The following FAM177B variants were observed in gnomAD, a reference collection of about 807,000 sequenced individuals.
The protein encoded by FAM177B is protein FAM177B.
FAM177B carries 16 observed loss-of-function variants against 16.1 expected under a neutral mutation model. The observed-to-expected ratio is 0.99, with a 90% confidence interval of 0.67 to 1.51. The LOEUF (loss-of-function observed/expected upper bound fraction) is 1.51, where lower values mean the gene tolerates loss of function less well. Among genes scored for constraint, FAM177B ranks in the 40% most tolerant of loss-of-function variants. The pLI, the probability that FAM177B is intolerant of heterozygous loss-of-function variation, is 0.00. For synonymous variants in FAM177B, 56 were observed against 59.9 expected, an observed-to-expected ratio of 0.93 and a Z score of 0.30; for missense variants, 178 against 183.7, an observed-to-expected ratio of 0.97 and a Z score of 0.18.
At chr1:222,742,024 T>C in intron 2 of FAM177B, among the ~76,000 whole-genome samples, 1 of 150,730 alleles carries the variant, frequency 6.6e-6, no homozygotes, top group Non-Finnish European at 1.5e-5. Context: ...CAGGCTGGTT[T>C]AAAACTCATG....
chr1:222,750,493 C>T lies in FAM177B; in HGVS notation c.*435C>T. ...CGCAAAGTCTAAATAAATCCCCTTT[C>T]AGGATTTGATATAGTGTGTACTTCC... On this transcript the variant is annotated 3_prime_UTR_variant, in exon 6 of 6. Coordinates refer to ENST00000445590, the MANE Select transcript of FAM177B (RefSeq NM_001394345.1). 1.0e-6 allele frequency: 1 copy of T among 991,696 alleles called. No individual in the cohort carries two copies. The highest frequency in any genetic ancestry group is 1.2e-6 in the Non-Finnish European group (1 of 834,428). 61.4% of individuals were successfully genotyped at this position (991,696 alleles called of 1,614,324 possible).
intron 2 of FAM177B, among the ~76,000 whole-genome samples, chr1:222,746,282 C>T (rs948430384): frequency 2.6e-5 from 4 of 152,150 alleles, no homozygotes; most frequent in African/African-American, 4.8e-5. Flanking sequence ...TGTGTTTTAA[C>T]GTTAACAAAA....
intron 2 of FAM177B, among the ~76,000 whole-genome samples, chr1:222,744,086 A>G (rs1658676886): frequency 6.6e-6 from 1 of 152,250 alleles, no homozygotes; most frequent in South Asian, 2.1e-4. Context: ...AATTTCATCC[A>G]GCATTTCTGT....
In FAM177B at chr1:222,749,986, G is replaced by A; in HGVS notation, c.405G>A (p.Lys135=). 6.2e-7 allele frequency: 1 copy of A among 1,614,054 alleles called. No homozygotes were observed. The highest frequency in any genetic ancestry group is 8.5e-7 in the Non-Finnish European group (1 of 1,179,940). The change falls in exon 6 of 6, where the codon AAG becomes AAA. Residue 135 remains lysine (K), a synonymous_variant. Coordinates refer to ENST00000445590, the MANE Select transcript of FAM177B (RefSeq NM_001394345.1). ...AGGCAGCTGAGGTTCCTAATGAAAA[G>A]TGTCACTTGGAGGCTGGGGTCCAAG... ...KAQAAEVPNE[K]CHLEAGVQEY... is the part of the protein sequence containing the mutation.
chr1:222,745,725 C>G (rs1395347424), intron 2 of FAM177B, among the ~76,000 whole-genome samples: 4 of 152,170 alleles, frequency 2.6e-5, no homozygotes, highest in Non-Finnish European at 5.9e-5. Context: ...AGTTTGAGAC[C>G]AGCCTGACCA....
intron 3 of FAM177B, 119 bp from the exon 4 acceptor site, chr1:222,746,896 T>A: frequency 1.1e-6 from 1 of 927,496 alleles, no homozygotes; most frequent in East Asian, 2.5e-5. Context: ...GGTCTCTTCA[T>A]CTGTGAGAGA....
chr1:222,746,889 C>T (rs1351622730), intron 3 of FAM177B, 126 bp from the exon 4 acceptor site: 5 of 906,238 alleles, frequency 5.5e-6, no homozygotes, highest in African/African-American at 3.4e-5. Context: ...TCATCTTGGT[C>T]TCTTCATCTG....
rs71175182 is a variant in FAM177B at position 222,738,564 on chromosome 1, C to CAAAAAAAAAAAAAAAA, written c.-16+545_-16+560dup. Among the ~76,000 whole-genome samples, 20 of 61,844 alleles carry CAAAAAAAAAAAAAAAA rather than the reference C, an allele frequency of 3.2e-4. 3 individuals carry two copies. The highest frequency in any genetic ancestry group is 3.5e-4 in the Non-Finnish European group (12 of 33,954). The allele number at this position is 61,844 out of a possible 152,430, so 40.6% of individuals were successfully genotyped here. ...GGAGACTCCGTCTCTACAAAAACTG[C>CAAAAAAAAAAAAAAAA]AAAAAAAAAAAAAAAAAGGCTGGGC... On this transcript the variant is annotated intron_variant, in intron 2 of 5. Transcript: ENST00000445590.
chr1:222,743,547 A>G (rs1046244291), intron 2 of FAM177B, among the ~76,000 whole-genome samples: 5 of 152,156 alleles, frequency 3.3e-5, no homozygotes, highest in Admixed American at 2.6e-4. Flanking sequence ...GACAGAGTTC[A>G]GTGGATTACA....
intron 4 of FAM177B, among the ~76,000 whole-genome samples, chr1:222,747,647 A>G (rs1329452285): frequency 6.6e-6 from 1 of 152,224 alleles, no homozygotes; most frequent in Non-Finnish European, 1.5e-5. Flanking sequence ...AGTTGACAAC[A>G]TCTAATTACT....
In FAM177B at chr1:222,748,547, C is replaced by T. The variant is rs140160404; in HGVS notation, c.242-918C>T. 1.8e-3 allele frequency among the ~76,000 whole-genome samples: 274 copies of T among 152,244 alleles called. 2 individuals carry two copies. Among genetic ancestry groups the T allele is most frequent in the African/African-American group, 5.9e-3 (246 of 41,532 alleles). ...CAGTCAGTGCTGTGGTCTGTCTACA[C>T]AGAGATTTTGTTTGAATGGAGTTGG... On this transcript the variant is annotated intron_variant, in intron 4 of 5. Coordinates refer to ENST00000445590, the MANE Select transcript of FAM177B (RefSeq NM_001394345.1).
chr1:222,749,399 C>A, intron 4 of FAM177B, 66 bp from the exon 5 acceptor site: 3 of 856,256 alleles, frequency 3.5e-6, no homozygotes, highest in Non-Finnish European at 1.9e-6. Flanking sequence ...AAACTCTGGG[C>A]ATCTCAACTG....
intron 2 of FAM177B, among the ~76,000 whole-genome samples, 174 bp downstream of exon 2, chr1:222,738,195 A>C (rs1179027130): frequency 6.6e-6 from 1 of 152,124 alleles, no homozygotes; most frequent in Admixed American, 6.6e-5. Context: ...GGAGAATATA[A>C]ATGTTACAAT....
chr1:222,739,551 C>G (rs919942342), intron 2 of FAM177B: 4 of 152,006 alleles, frequency 2.6e-5, no homozygotes, highest in Non-Finnish European at 4.4e-5. Flanking sequence ...TTAAAAGACC[C>G]CCAGATGATT....
At chr1:222,743,132 G>A (rs1572006596) in intron 2 of FAM177B, among the ~76,000 whole-genome samples, 1 of 151,900 alleles carries the variant, frequency 6.6e-6, no homozygotes, top group Non-Finnish European at 1.5e-5. Context: ...GCAGGCATTT[G>A]TTGGCTTTGT....
chr1:222,738,548 G>A (rs1018291977), intron 2 of FAM177B, among the ~76,000 whole-genome samples: 2 of 45,082 alleles, frequency 4.4e-5, no homozygotes, highest in Non-Finnish European at 8.7e-5. Context: ...GGGAGACTCC[G>A]TCTCTACAAA....
In FAM177B at chr1:222,741,057, C is replaced by CTTTTTTTTT. The variant is rs369907456; in HGVS notation, c.-16+3049_-16+3057dup. ...TTTATTGCATCTTACTTTTTGTTTTCTTTTTTTTTTTTTTTTTTTTTGAGA... is the reference window on the plus strand; with the variant it reads ...TTTATTGCATCTTACTTTTTGTTTTCTTTTTTTTTTTTTTTTTTTTTTTTTTTTTTGAGA... On this transcript the variant is annotated intron_variant, in intron 2 of 5. Coordinates refer to ENST00000445590, the MANE Select transcript of FAM177B (RefSeq NM_001394345.1). Among the ~76,000 whole-genome samples the CTTTTTTTTT allele has an allele frequency of 2.4e-4, 20 of 82,154 alleles. 1 individual carries two copies. Among genetic ancestry groups the CTTTTTTTTT allele is most frequent in the East Asian group, 3.6e-4 (1 of 2,786 alleles). 53.9% of individuals were successfully genotyped at this position (82,154 alleles called of 152,430 possible).
intron 2 of FAM177B, among the ~76,000 whole-genome samples, chr1:222,744,654 A>G (rs985071505): frequency 6.6e-6 from 1 of 152,134 alleles, no homozygotes; most frequent in East Asian, 1.9e-4. Flanking sequence ...ACTCTTCATT[A>G]CAATTTTATA....
At chr1:222,747,755 CTTCA>C (rs905978044) in intron 4 of FAM177B, among the ~76,000 whole-genome samples, 1 of 152,164 alleles carries the variant, frequency 6.6e-6, no homozygotes, top group Non-Finnish European at 1.5e-5. Context: ...AGAAATTGAT[CTTCA>C]TTCATTCATT....
Sources: gnomAD v4.1 joint callset for allele counts (sites outside exome capture counted in the v4.1 genomes callset) on GRCh38, gnomAD v4.1.1 for gene constraint, MANE v1.5 for transcripts, NCBI Gene and HGNC (gene_info 2026-07-23, HGNC 2026-07-21) for gene names.